The following FANCC variants were observed in gnomAD, a reference collection of about 807,000 sequenced individuals.
FANCC encodes Fanconi anemia group C protein.
FANCC carries 55 observed loss-of-function variants against 71.3 expected under a neutral mutation model. The ratio of observed to expected loss-of-function variants is 0.77; its 90% CI spans 0.62 to 0.97. The LOEUF is 0.97. Among genes scored for constraint, FANCC ranks in the 50% least tolerant of loss-of-function variants. The pLI, the probability that FANCC is intolerant of heterozygous loss-of-function variation, is 0.00. For synonymous variants in FANCC, 275 were observed against 244.9 expected (o/e 1.12, Z -1.15); for missense variants, 678 against 670.9 (o/e 1.01, Z -0.12).
chr9:95,254,322 C>T (rs1386676427), intron 1 of FANCC, among the ~76,000 whole-genome samples: 1 of 152,272 alleles, frequency 6.6e-6, no homozygotes, highest in Non-Finnish European at 1.5e-5. Context: ...TGGTCTGCAG[C>T]TCCCAACAGG....
intron 1 of FANCC, among the ~76,000 whole-genome samples, chr9:95,272,302 T>C (rs555972829): frequency 6.6e-6 from 1 of 152,152 alleles, no homozygotes; most frequent in Non-Finnish European, 1.5e-5. Flanking sequence ...ACCAATTACA[T>C]TTATTTAATT....
chr9:95,287,166 C>T (rs894851267), intron 1 of FANCC, among the ~76,000 whole-genome samples: 1 of 152,076 alleles, frequency 6.6e-6, no homozygotes. Flanking sequence ...AAATATCTTG[C>T]CCAAGGTTAC....
At chr9:95,140,568 G>A (rs1221566514) in intron 7 of FANCC, among the ~76,000 whole-genome samples, 1 of 152,212 alleles carries the variant, frequency 6.6e-6, no homozygotes, top group African/African-American at 2.4e-5. Flanking sequence ...GAGAGGTTGT[G>A]TTCTAAAGCT....
At chr9:95,200,635 A>G (rs1483754112) in intron 4 of FANCC, among the ~76,000 whole-genome samples, 4 of 152,190 alleles carry the variant, frequency 2.6e-5, no homozygotes, top group African/African-American at 4.8e-5. Context: ...GGAGATAATT[A>G]TATCTGCCCT....
At chr9:95,232,644 CA>C (rs1389053715) in intron 4 of FANCC, among the ~76,000 whole-genome samples, 1 of 152,104 alleles carries the variant, frequency 6.6e-6, no homozygotes, top group African/African-American at 2.4e-5. Context: ...AATGTTATCT[CA>C]AAACACTCCT....
intron 1 of FANCC, among the ~76,000 whole-genome samples, chr9:95,270,754 G>A (rs780721770): frequency 2.6e-5 from 4 of 152,208 alleles, no homozygotes; most frequent in Non-Finnish European, 5.9e-5. Flanking sequence ...AACCCAACCT[G>A]GGGATTCAGA....
intron 4 of FANCC, among the ~76,000 whole-genome samples, chr9:95,184,454 C>T (rs648615): frequency 0.94 from 142,930 of 152,234 alleles, 67,107 homozygotes; most frequent in Middle Eastern, 0.98. Flanking sequence ...ATGTCCTCTA[C>T]AGAGTAAGAT....
intron 6 of FANCC, among the ~76,000 whole-genome samples, 182 bp downstream of exon 6, chr9:95,170,897 T>C (rs1825635095): frequency 6.6e-6 from 1 of 152,176 alleles, no homozygotes; most frequent in African/African-American, 2.4e-5. Flanking sequence ...GAGAAAATAG[T>C]GATTTTTAAA....
intron 6 of FANCC, 76 bp downstream of exon 6, chr9:95,171,003 T>A (rs539885844): frequency 9.5e-7 from 1 of 1,050,544 alleles, no homozygotes; most frequent in Admixed American, 1.7e-5. Flanking sequence ...TTCCTATGAA[T>A]TGTAAAATTT....
chr9:95,230,053 G>A (rs1564775240), intron 4 of FANCC, among the ~76,000 whole-genome samples: 2 of 151,980 alleles, frequency 1.3e-5, no homozygotes, highest in Admixed American at 1.3e-4. Flanking sequence ...CTGAAAAGCT[G>A]ACAAATCCTC....
intron 6 of FANCC, among the ~76,000 whole-genome samples, chr9:95,161,310 G>A (rs565293): frequency 0.21 from 31,786 of 152,058 alleles, 3,478 homozygotes; most frequent in East Asian, 0.3. Context: ...AAGCCAGCCC[G>A]AAATGGCTAT....
chr9:95,126,634 A>G, intron 8 of FANCC, 53 bp from the exon 9 acceptor site: 2 of 1,576,578 alleles, frequency 1.3e-6, no homozygotes, highest in Non-Finnish European at 1.7e-6. Flanking sequence ...ACTTTCTCAG[A>G]AACTTGCTAT....
intron 1 of FANCC, among the ~76,000 whole-genome samples, chr9:95,274,933 A>C (rs1345694399): frequency 6.6e-6 from 1 of 152,162 alleles, no homozygotes; most frequent in Non-Finnish European, 1.5e-5. Context: ...AGTTCAGCAC[A>C]GGACTGGAAT....
chr9:95,210,408 T>C (rs559248242), intron 4 of FANCC, among the ~76,000 whole-genome samples: 1 of 151,944 alleles, frequency 6.6e-6, no homozygotes, highest in Non-Finnish European at 1.5e-5. Flanking sequence ...AAAAAAAAAA[T>C]TCAGGCTTAA....
chr9:95,231,786 G>T (rs1453894033), intron 4 of FANCC, among the ~76,000 whole-genome samples: 1 of 152,136 alleles, frequency 6.6e-6, no homozygotes, highest in East Asian at 1.9e-4. Flanking sequence ...TTATTATTTG[G>T]TAAGTTATAA....
intron 4 of FANCC, among the ~76,000 whole-genome samples, chr9:95,173,068 G>C (rs1825782989): frequency 6.6e-6 from 1 of 152,082 alleles, no homozygotes; most frequent in Non-Finnish European, 1.5e-5. Flanking sequence ...AAATAGCTAA[G>C]AAACACATAA....
At chr9:95,171,693 G>C (rs1285016701) in intron 5 of FANCC, among the ~76,000 whole-genome samples, 1 of 152,158 alleles carries the variant, frequency 6.6e-6, no homozygotes, top group Non-Finnish European at 1.5e-5. Flanking sequence ...ATTCCAATCA[G>C]GTTATTTGAA....
chr9:95,193,766 A>G (rs1827249875), intron 4 of FANCC, among the ~76,000 whole-genome samples: 1 of 152,216 alleles, frequency 6.6e-6, no homozygotes, highest in Non-Finnish European at 1.5e-5. Flanking sequence ...AGAGAAAAGG[A>G]TAAAAGTGTG....
At chr9:95,293,263 G>A in intron 1 of FANCC, 1 of 1,613,400 alleles carries the variant, frequency 6.2e-7, no homozygotes, top group Non-Finnish European at 8.5e-7. Flanking sequence ...TACCCGTGAT[G>A]CAGTTTTCTC....
Sources: allele counts gnomAD v4.1 joint callset (sites outside exome capture counted in the v4.1 genomes callset), GRCh38; gene constraint gnomAD v4.1.1; transcripts MANE v1.5; gene names NCBI Gene and HGNC (gene_info 2026-07-23, HGNC 2026-07-21).